Variants in PRR5 observed in about 807,000 individuals in gnomAD.
PRR5 encodes proline rich 5, also known as proline-rich protein 5.
PRR5 carries 25 observed loss-of-function variants against 30.6 expected under a neutral mutation model. The ratio of observed to expected loss-of-function variants is 0.82; its 90% CI spans 0.60 to 1.14. PRR5 has a LOEUF of 1.14. PRR5 is among the 50% of genes most tolerant of loss of function. The pLI is 0.00. For synonymous variants in PRR5, 286 were observed against 247.1 expected (o/e 1.16, Z -1.48); for missense variants, 600 against 547.1 (o/e 1.10, Z -0.96).
At chr22:44,734,860 G>T in intron 6 of PRR5, 167 bp from the exon 7 acceptor site, 1 of 876,368 alleles carries the variant, frequency 1.1e-6, no homozygotes, top group Non-Finnish European at 1.7e-6. Flanking sequence ...GCTCTGAGAG[G>T]GGCTGGGAGG....
intron 1 of PRR5, among the ~76,000 whole-genome samples, chr22:44,695,322 A>G (rs1200228297): frequency 6.6e-6 from 1 of 152,196 alleles, no homozygotes; most frequent in Non-Finnish European, 1.5e-5. Context: ...TTTAAAGGAA[A>G]AAGGAGGAGG....
chr22:44,720,063 A>C (rs1434851110), intron 2 of PRR5, among the ~76,000 whole-genome samples: 1 of 151,786 alleles, frequency 6.6e-6, no homozygotes, highest in Non-Finnish European at 1.5e-5. Flanking sequence ...GGACATCCAC[A>C]CCCCCTCTTC....
At chr22:44,723,445 T>G (rs777861101) in intron 2 of PRR5, among the ~76,000 whole-genome samples, 1 of 152,136 alleles carries the variant, frequency 6.6e-6, no homozygotes, top group African/African-American at 2.4e-5. Flanking sequence ...TGGGGCCAGG[T>G]GCAGTGGCTC....
intron 2 of PRR5, among the ~76,000 whole-genome samples, chr22:44,720,476 G>C (rs1054984735): frequency 6.6e-6 from 1 of 152,216 alleles, no homozygotes; most frequent in Non-Finnish European, 1.5e-5. Context: ...CATGGTTGGA[G>C]TTGGTGTGCG....
chr22:44,713,111 G>A (rs1466570348), intron 1 of PRR5, among the ~76,000 whole-genome samples: 1 of 152,220 alleles, frequency 6.6e-6, no homozygotes, highest in African/African-American at 2.4e-5. Flanking sequence ...CCGGGAGTGT[G>A]GGGAGGGGCC....
chr22:44,716,129 C>G (rs1214492410), intron 2 of PRR5, among the ~76,000 whole-genome samples: 4 of 152,164 alleles, frequency 2.6e-5, no homozygotes, highest in Non-Finnish European at 1.5e-5. Flanking sequence ...GCAGCCTCCC[C>G]AGGAGTGTGT....
Position 44,737,423 on chromosome 22 carries a change from C to T in PRR5, c.*176C>T, listed in dbSNP as rs994958991. 9 of 1,301,494 alleles carry T rather than the reference C, an allele frequency of 6.9e-6. No homozygotes were observed. In the African/African-American group the frequency reaches 1.0e-4, roughly 15 times the overall value. 80.6% of individuals were successfully genotyped at this position (1,301,494 alleles called of 1,614,324 possible). ...CTTGGTTGGAAATACCATCAGCCTT[C>T]CTTGCTCGGCCCAGGTCTGTTTCAG... On this transcript the variant is annotated 3_prime_UTR_variant, in exon 8 of 8. Coordinates refer to ENST00000336985, the MANE Select transcript of PRR5 (RefSeq NM_181333.4).
intron 5 of PRR5, among the ~76,000 whole-genome samples, 157 bp downstream of exon 5, chr22:44,731,978 C>T (rs971426941): frequency 6.6e-6 from 1 of 152,198 alleles, no homozygotes; most frequent in African/African-American, 2.4e-5. Context: ...GAGCCTGTTT[C>T]CACCCCTTCA....
At chr22:44,693,507 C>A (rs1039080184) in intron 1 of PRR5, among the ~76,000 whole-genome samples, 8 of 151,964 alleles carry the variant, frequency 5.3e-5, no homozygotes, top group African/African-American at 1.9e-4. Context: ...TCTGGTGACT[C>A]CAAGGGTGCC....
chr22:44,689,607 G>A (rs1028688857), intron 1 of PRR5, among the ~76,000 whole-genome samples: 2 of 152,238 alleles, frequency 1.3e-5, no homozygotes, highest in South Asian at 2.1e-4. Context: ...CTGGGCAGAA[G>A]GGCCATGGAA....
Position 44,737,434 on chromosome 22 carries a change from C to T in PRR5, c.*187C>T, listed in dbSNP as rs1216309009. 6.3e-6 allele frequency: 8 copies of T among 1,268,994 alleles called. No individual in the cohort carries two copies. The allele number at this position is 1,268,994 out of a possible 1,614,324, so 78.6% of individuals were successfully genotyped here. On this transcript the variant is annotated 3_prime_UTR_variant, in exon 8 of 8. Transcript: ENST00000336985. ...ATACCATCAGCCTTCCTTGCTCGGC[C>T]CAGGTCTGTTTCAGGCATCTGAGTC...
At chr22:44,715,717 A>G (rs888026809) in intron 2 of PRR5, among the ~76,000 whole-genome samples, 5 of 151,882 alleles carry the variant, frequency 3.3e-5, no homozygotes, top group African/African-American at 7.3e-5. Context: ...TGGGGGTGCA[A>G]TCTCAGCTCA....
chr22:44,702,639 G>A (rs1926513006), intron 1 of PRR5, 31 bp downstream of exon 1: 10 of 1,264,174 alleles, frequency 7.9e-6, no homozygotes, highest in Non-Finnish European at 1.0e-5. Context: ...CCACCCGGAG[G>A]CCCTGGAGCC....
Position 44,706,951 on chromosome 22 carries a change from G to C in PRR5, c.134+4343G>C, listed in dbSNP as rs146528399. Among the ~76,000 whole-genome samples, 521 of 152,272 alleles carry C rather than the reference G, an allele frequency of 3.4e-3. 6 individuals are homozygous for C. Among genetic ancestry groups the C allele is most frequent in the African/African-American group, 0.012 (483 of 41,548 alleles). On this transcript the variant is annotated intron_variant, in intron 1 of 7. Coordinates refer to ENST00000336985, the MANE Select transcript of PRR5 (RefSeq NM_181333.4). ...GTGCCCACTCCTTATTTATTGGTCAGGTTTTGCCCCTAGCCTGTGACAGAT... is the reference window on the plus strand; with the variant it reads ...GTGCCCACTCCTTATTTATTGGTCACGTTTTGCCCCTAGCCTGTGACAGAT...
At chr22:44,710,145 T>C (rs977376709) in intron 1 of PRR5, among the ~76,000 whole-genome samples, 12 of 152,096 alleles carry the variant, frequency 7.9e-5, no homozygotes, top group Non-Finnish European at 1.8e-4. Flanking sequence ...CATGGCCTGT[T>C]CTGGACAGAC....
chr22:44,690,686 C>T (rs549615242), intron 1 of PRR5, among the ~76,000 whole-genome samples: 1 of 152,330 alleles, frequency 6.6e-6, no homozygotes, highest in South Asian at 2.1e-4. Flanking sequence ...ACAGCCCATG[C>T]TCTGAATCGC....
chr22:44,698,506 C>T (rs1376514734), upstream of PRR5, among the ~76,000 whole-genome samples: 1 of 152,166 alleles, frequency 6.6e-6, no homozygotes, highest in Non-Finnish European at 1.5e-5. Context: ...TGGTCTCAGA[C>T]ACAAATGAGC....
At chr22:44,687,432 G>A (rs1442888655) in intron 1 of PRR5, among the ~76,000 whole-genome samples, 1 of 152,174 alleles carries the variant, frequency 6.6e-6, no homozygotes, top group Non-Finnish European at 1.5e-5. Flanking sequence ...GGTTGGGTTA[G>A]GCTTTATAAA....
At chr22:44,698,889 G>C (rs531320538), upstream of PRR5, among the ~76,000 whole-genome samples, 49 of 152,316 alleles carry the variant, frequency 3.2e-4, no homozygotes, top group African/African-American at 1.2e-3. Flanking sequence ...TGACAGCTCT[G>C]TCCCCTTGTG....
Sources: gnomAD v4.1 joint callset for allele counts (sites outside exome capture counted in the v4.1 genomes callset) on GRCh38, gnomAD v4.1.1 for gene constraint, MANE v1.5 for transcripts, NCBI Gene and HGNC (gene_info 2026-07-23, HGNC 2026-07-21) for gene names.